GRID2IP: variants seen among roughly 807,000 people sequenced by gnomAD.
GRID2IP encodes Grid2 interacting protein.
A neutral mutation model predicts 114.3 loss-of-function variants in GRID2IP; 78 were observed. The ratio of observed to expected loss-of-function variants is 0.68; its 90% confidence interval spans 0.57 to 0.82. The LOEUF (loss-of-function observed/expected upper bound fraction) is 0.82, where lower values mean the gene tolerates loss of function less well. Ranked by LOEUF, GRID2IP falls within the 40% of genes least tolerant of loss-of-function variation. The pLI is 0.00. For synonymous variants in GRID2IP, 809 were observed against 724.0 expected, an observed-to-expected ratio of 1.12 and a Z score of -1.89; for missense variants, 1,727 against 1,678.5, an observed-to-expected ratio of 1.03 and a Z score of -0.51.
At chr7:6,531,325 G>C (rs906581549) in intron 2 of GRID2IP, 16 of 390,500 alleles carry the variant, frequency 4.1e-5, no homozygotes, top group Non-Finnish European at 6.3e-5. Context: ...GGTCGCTCTG[G>C]GGTGCAGCGG....
chr7:6,532,529 C>T lies in GRID2IP; in HGVS notation c.585-5760G>A, dbSNP rs1017089976. On this transcript the variant is annotated intron_variant, in intron 2 of 21. Transcript: ENST00000457091. The surrounding 1 kb of genome is among the most constrained non-coding windows in gnomAD (Gnocchi z 4.4). The stretch of plus-strand genomic sequence containing the variant: ...TTGCAAGACCATCACTTTGCTGTGA[C>T]CCCCCGTGGCTGTACTTCTTCCTGG... 1.3e-5 allele frequency among the ~76,000 whole-genome samples: 2 copies of T among 152,134 alleles called. No homozygotes were observed. Among genetic ancestry groups the T allele is most frequent in the African/African-American group, 4.8e-5 (2 of 41,420 alleles).
Position 6,521,751 on chromosome 7 carries a change from T to G in GRID2IP, c.989+137A>C. 2.8e-6 allele frequency: 2 copies of G among 714,954 alleles called. No individual in the cohort carries two copies. Among genetic ancestry groups the G allele is most frequent in the South Asian group, 3.7e-5 (2 of 54,688 alleles). The allele number at this position is 714,954 out of a possible 1,614,324, so 44.3% of individuals were successfully genotyped here. ...GAGGGTTAGATTCAAGAGTTCCCATTGGAAGAGGGACAGACCCTGGGGACC... is the reference window on the plus strand; with the variant it reads ...GAGGGTTAGATTCAAGAGTTCCCATGGGAAGAGGGACAGACCCTGGGGACC... On this transcript the variant is annotated intron_variant, in intron 5 of 21. Transcript: ENST00000457091. The surrounding 1 kb of genome is among the most constrained non-coding windows in gnomAD (Gnocchi z 4.1).
intron 14 of GRID2IP, among the ~76,000 whole-genome samples, chr7:6,505,588 C>T (rs545357153): frequency 2.0e-5 from 3 of 152,122 alleles, no homozygotes; most frequent in African/African-American, 4.8e-5. Flanking sequence ...AGGCTGGTCT[C>T]GAACCCCTGA....
At chr7:6,542,101 A>G (rs1471907632) in intron 1 of GRID2IP, among the ~76,000 whole-genome samples, 1 of 152,060 alleles carries the variant, frequency 6.6e-6, no homozygotes, top group African/African-American at 2.4e-5. Flanking sequence ...CAGGTGTTTG[A>G]GACCAGCCTG....
In GRID2IP at chr7:6,507,713, C is replaced by G. The variant is rs1483386601; in HGVS notation, c.2544+272G>C. 6.6e-6 allele frequency among the ~76,000 whole-genome samples: 1 copy of G among 152,190 alleles called. No homozygotes were observed. The highest frequency in any genetic ancestry group is 1.5e-5 in the Non-Finnish European group (1 of 68,040). ...CTTTTAAAGGTTTAAGAGAACTTGT[C>G]TGGCCTCAAAAGTGATAGGTTTCAA... On this transcript the variant is annotated intron_variant, in intron 13 of 21. Transcript: ENST00000457091. The surrounding 1 kb of genome is among the most constrained non-coding windows in gnomAD (Gnocchi z 5.3).
Position 6,496,875 on chromosome 7 carries a change from C to T in GRID2IP, c.*899G>A, listed in dbSNP as rs765704656. ...CCCACCACGCCACCTGCTCCTGCTC[C>T]TGGTATCCAGGTAACTCCTGCTATA... is the stretch of plus-strand genomic sequence containing the variant. On this transcript the variant is annotated 3_prime_UTR_variant, in exon 22 of 22. Coordinates refer to ENST00000457091, the MANE Select transcript of GRID2IP (RefSeq NM_001145118.2). Among the ~76,000 whole-genome samples the T allele has an allele frequency of 3.9e-5, 6 of 152,134 alleles. No homozygotes were observed. The highest frequency in any genetic ancestry group is 8.8e-5 in the Non-Finnish European group (6 of 68,038).
chr7:6,510,222 G>C, intron 11 of GRID2IP, 61 bp downstream of exon 11: 3 of 1,163,968 alleles, frequency 2.6e-6, no homozygotes, highest in Non-Finnish European at 3.7e-6. Flanking sequence ...AGCAGCTCCA[G>C]GGCTGAGCCT....
In GRID2IP at chr7:6,534,187, T is replaced by G. The variant is rs1258312866; in HGVS notation, c.584+5531A>C. On this transcript the variant is annotated intron_variant, in intron 2 of 21. Transcript: ENST00000457091. The surrounding 1 kb of genome is among the most constrained non-coding windows in gnomAD (Gnocchi z 4.5). ...TCAGTGAACCTGCCTGAGATTGCAC[T>G]GCCAGTGAGTGGACCTGTATTCAAG... Among the ~76,000 whole-genome samples, 1 of 152,198 alleles carries G rather than the reference T, an allele frequency of 6.6e-6. No individual in the cohort carries two copies. Among genetic ancestry groups the G allele is most frequent in the Non-Finnish European group, 1.5e-5 (1 of 68,036 alleles).
At position 6,519,626 on chromosome 7, in the gene GRID2IP, A is replaced by G. The variant is rs942711801; in HGVS notation, c.1268+952T>C. ...TACAAAATTAGCCAGGCGTGGTGGCATATGCCTGTAATCCCAGCTACTTGG... is the reference window on the plus strand; with the variant it reads ...TACAAAATTAGCCAGGCGTGGTGGCGTATGCCTGTAATCCCAGCTACTTGG... On this transcript the variant is annotated intron_variant, in intron 7 of 21. Transcript: ENST00000457091. The surrounding 1 kb of genome is among the most constrained non-coding windows in gnomAD (Gnocchi z 4.1). Among the ~76,000 whole-genome samples, 2 of 151,970 alleles carry G rather than the reference A, an allele frequency of 1.3e-5. No individual in the cohort carries two copies. Among genetic ancestry groups the G allele is most frequent in the African/African-American group, 4.8e-5 (2 of 41,380 alleles).
Position 6,521,839 on chromosome 7 carries a change from G to C in GRID2IP, c.989+49C>G, listed in dbSNP as rs1583344790. 7.3e-7 allele frequency: 1 copy of C among 1,377,558 alleles called. No individual in the cohort carries two copies. The highest frequency in any genetic ancestry group is 1.0e-6 in the Non-Finnish European group (1 of 989,156). 85.3% of individuals were successfully genotyped at this position (1,377,558 alleles called of 1,614,324 possible). On this transcript the variant is annotated intron_variant, in intron 5 of 21. Transcript: ENST00000457091. This position sits in a 1 kb window ranked among gnomAD's most constrained non-coding sequence, Gnocchi z 4.1. ...CCCAAGAGGCAGGAGTCTTGCAGGG[G>C]GTGGGGGCAGCTCCTCACCAACCCC...
chr7:6,542,515 A>G (rs941825047), intron 1 of GRID2IP, among the ~76,000 whole-genome samples: 1 of 151,908 alleles, frequency 6.6e-6, no homozygotes, highest in African/African-American at 2.4e-5. Flanking sequence ...TAAATTAGCC[A>G]GATGTGGTGG....
intron 18 of GRID2IP, among the ~76,000 whole-genome samples, 170 bp downstream of exon 18, chr7:6,502,616 C>T (rs570618685): frequency 1.2e-3 from 178 of 151,516 alleles, no homozygotes; most frequent in African/African-American, 4.2e-3. Context: ...CCCACCCCAC[C>T]CTTTGCTGCA....
Position 6,528,462 on chromosome 7 carries a change from C to T in GRID2IP, c.585-1693G>A, listed in dbSNP as rs919841314. ...TCAGAGAACAGACTTCAGCGCTCAG[C>T]ACTGTGGCAGGACCTCTAACAAGAG... On this transcript the variant is annotated intron_variant, in intron 2 of 21. Transcript: ENST00000457091. The surrounding 1 kb of genome is among the most constrained non-coding windows in gnomAD (Gnocchi z 6.0). 6.6e-6 allele frequency among the ~76,000 whole-genome samples: 1 copy of T among 152,230 alleles called. No individual in the cohort carries two copies. The highest frequency in any genetic ancestry group is 1.5e-5 in the Non-Finnish European group (1 of 68,044).
chr7:6,508,996 C>G lies in GRID2IP; in HGVS notation c.2089G>C (p.Val697Leu), dbSNP rs556257010. ...SEQLGPRVTI[V>L]DDFLTPENDY... Reference sequence around the variant, plus strand: ...TTCTCCGGGGTCAGGAAATCATCCACGATGGTGACCCGGGGGCCCAGCTGC... The same window carrying G: ...TTCTCCGGGGTCAGGAAATCATCCAGGATGGTGACCCGGGGGCCCAGCTGC... Residue 697 changes from valine to leucine, a missense_variant, in exon 12 of 22, where the codon GTG (valine) becomes CTG (leucine). Val to Leu is a conservative substitution (Grantham distance 32). Coordinates refer to ENST00000457091, the MANE Select transcript of GRID2IP (RefSeq NM_001145118.2). The surrounding 1 kb of genome is among the most constrained non-coding windows in gnomAD (Gnocchi z 5.6). 2 of 1,548,282 alleles carry G rather than the reference C, an allele frequency of 1.3e-6. No individual in the cohort carries two copies. Among genetic ancestry groups the G allele is most frequent in the Non-Finnish European group, 1.7e-6 (2 of 1,146,672 alleles).
intron 1 of GRID2IP, among the ~76,000 whole-genome samples, chr7:6,543,586 A>G (rs1583354860): frequency 6.6e-6 from 1 of 151,526 alleles, no homozygotes; most frequent in Non-Finnish European, 1.5e-5. Context: ...ACCTCACCCT[A>G]TTTATGCCTC....
chr7:6,534,519 C>T lies in GRID2IP; in HGVS notation c.584+5199G>A, dbSNP rs773832590. The stretch of plus-strand genomic sequence containing the variant: ...AGACCACCTGCTTACATGGTGACCA[C>T]GGACCCATCTCACCCTTTACAGCAG... On this transcript the variant is annotated intron_variant, in intron 2 of 21. Coordinates refer to ENST00000457091, the MANE Select transcript of GRID2IP (RefSeq NM_001145118.2). This position sits in a 1 kb window ranked among gnomAD's most constrained non-coding sequence, Gnocchi z 4.5. Among the ~76,000 whole-genome samples the T allele has an allele frequency of 6.6e-6, 1 of 152,164 alleles. No individual in the cohort carries two copies. Among genetic ancestry groups the T allele is most frequent in the African/African-American group, 2.4e-5 (1 of 41,446 alleles).
intron 7 of GRID2IP, 93 bp from the exon 8 acceptor site, chr7:6,514,622 AGC>A: frequency 8.4e-7 from 1 of 1,192,836 alleles, no homozygotes; most frequent in Non-Finnish European, 1.1e-6. Flanking sequence ...TCCAAGCCAC[AGC>A]GTCTGCCCTC....
Position 6,496,934 on chromosome 7 carries a change from C to T in GRID2IP, c.*840G>A, listed in dbSNP as rs572830407. On this transcript the variant is annotated 3_prime_UTR_variant, in exon 22 of 22. Coordinates refer to ENST00000457091, the MANE Select transcript of GRID2IP (RefSeq NM_001145118.2). Reference sequence around the variant, plus strand: ...CACATGTAAAATGACCATTTGGGTCCCAAACACATCCCAGATTGTGTCATC... The same window carrying T: ...CACATGTAAAATGACCATTTGGGTCTCAAACACATCCCAGATTGTGTCATC... Among the ~76,000 whole-genome samples the T allele has an allele frequency of 5.3e-5, 8 of 152,046 alleles. No individual in the cohort carries two copies. The highest frequency in any genetic ancestry group is 1.9e-4 in the African/African-American group (8 of 41,394).
At chr7:6,522,639 C>T (rs1374279369) in intron 4 of GRID2IP, among the ~76,000 whole-genome samples, 1 of 151,840 alleles carries the variant, frequency 6.6e-6, no homozygotes. Context: ...GCACGCACCA[C>T]CACTCCGGGC....
Sources: gnomAD v4.1 joint callset for allele counts (sites outside exome capture counted in the v4.1 genomes callset) on GRCh38, gnomAD v4.1.1 for gene constraint, Gnocchi (gnomAD v3.1) non-coding constraint, MANE v1.5 for transcripts, NCBI Gene and HGNC (gene_info 2026-07-23, HGNC 2026-07-21) for gene names.